The following TBCE variants were observed in gnomAD, a reference collection of about 807,000 sequenced individuals.
TBCE encodes the protein tubulin folding cofactor E, also known as tubulin-specific chaperone E.
A neutral mutation model predicts 77.0 loss-of-function variants in TBCE; 53 were observed. The ratio of observed to expected loss-of-function variants is 0.69; its 90% confidence interval spans 0.55 to 0.87. The LOEUF (loss-of-function observed/expected upper bound fraction) is 0.87, where lower values mean the gene tolerates loss of function less well. TBCE is among the 40% of genes least tolerant of loss of function. The pLI, the probability that TBCE is intolerant of heterozygous loss-of-function variation, is 0.00. For missense variants in TBCE, 624 were observed against 622.4 expected, an observed-to-expected ratio of 1.00 and a Z score of -0.03; for synonymous variants, 235 against 241.3, an observed-to-expected ratio of 0.97 and a Z score of 0.24.
Position 235,401,613 on chromosome 1 carries a change from G to A in TBCE, c.185+26G>A, listed in dbSNP as rs769742415. On this transcript the variant is annotated intron_variant, in intron 3 of 16. Transcript: ENST00000642610. ...GTAACTTTTCATTATGAATCAGCAC[G>A]GTCATTTAGTCAAGATTATATTTAA... 2.8e-5 allele frequency: 44 copies of A among 1,566,948 alleles called. No individual in the cohort carries two copies. The Admixed American group carries it at 5.2e-4, about 18-fold the overall frequency.
intron 6 of TBCE, chr1:235,428,969 G>GTATATATATA (rs752685495): frequency 2.7e-5 from 3 of 110,996 alleles, no homozygotes; most frequent in African/African-American, 1.3e-4. Context: ...ATGTATGTGT[G>GTATATATATA]TATATATATA....
chr1:235,437,083 C>T (rs536496061), intron 11 of TBCE, among the ~76,000 whole-genome samples: 7 of 152,232 alleles, frequency 4.6e-5, no homozygotes, highest in East Asian at 3.9e-4. Context: ...GAGCCGAGAT[C>T]GCGCCGTTGC....
intron 2 of TBCE, among the ~76,000 whole-genome samples, chr1:235,386,705 T>A (rs1202653370): frequency 1.3e-5 from 2 of 152,150 alleles, no homozygotes; most frequent in African/African-American, 4.8e-5. Context: ...TTCGTCTAAA[T>A]TTTTTTCAAA....
intron 7 of TBCE, chr1:235,433,317 C>G: frequency 2.3e-6 from 1 of 433,190 alleles, no homozygotes; most frequent in Non-Finnish European, 3.5e-6. Context: ...GCCTCCTGGG[C>G]CAAAATGATT....
At chr1:235,371,213 T>C (rs1178603695) in intron 1 of TBCE, among the ~76,000 whole-genome samples, 1 of 150,830 alleles carries the variant, frequency 6.6e-6, no homozygotes, top group Non-Finnish European at 1.5e-5. Context: ...TGCGCCACCA[T>C]ACCTGACTAA....
intron 3 of TBCE, among the ~76,000 whole-genome samples, chr1:235,408,386 G>T (rs1246099120): frequency 6.6e-6 from 1 of 150,658 alleles, no homozygotes; most frequent in East Asian, 1.9e-4. Flanking sequence ...GAGCATTAAT[G>T]GATTGGTATA....
At position 235,435,781 on chromosome 1, in the gene TBCE, T is replaced by A; in HGVS notation, c.774T>A (p.Asp258Glu). ...TTCTCCAGACAGTCAAGTTATTAGA[T>A]CTTTCCTCTAATCAATTAATTGATG... ...TDVLQTVKLL[D>E]LSSNQLIDEN... is the part of the protein sequence containing the mutation. The change falls in exon 9 of 17, where the codon GAT (aspartate) becomes GAA (glutamate). Residue 258 changes from aspartate (D) to glutamate (E), a missense_variant. Physicochemically the swap from Asp to Glu is conservative, Grantham distance 45. Transcript: ENST00000642610. The A allele has an allele frequency of 1.2e-6, 2 of 1,614,190 alleles. No homozygotes were observed. Among genetic ancestry groups the A allele is most frequent in the Non-Finnish European group, 1.7e-6 (2 of 1,180,016 alleles).
intron 2 of TBCE, among the ~76,000 whole-genome samples, chr1:235,386,812 C>T (rs1292528312): frequency 6.6e-6 from 1 of 152,194 alleles, no homozygotes; most frequent in Non-Finnish European, 1.5e-5. Flanking sequence ...CAAAGTCATT[C>T]TCTGTCCAGC....
At chr1:235,443,181 C>CATAT (rs777172312) in intron 15 of TBCE, among the ~76,000 whole-genome samples, 76 of 132,432 alleles carry the variant, frequency 5.7e-4, no homozygotes, top group Admixed American at 9.0e-4. Context: ...CACACACACA[C>CATAT]ACACATATAT....
intron 2 of TBCE, among the ~76,000 whole-genome samples, chr1:235,383,994 A>G (rs929359250): frequency 5.9e-4 from 90 of 152,110 alleles, no homozygotes; most frequent in Non-Finnish European, 1.2e-3. Flanking sequence ...ATGTCCCATC[A>G]ATACCTAATT....
chr1:235,394,148 C>T (rs1678580580), intron 2 of TBCE, among the ~76,000 whole-genome samples: 3 of 152,136 alleles, frequency 2.0e-5, no homozygotes, highest in Non-Finnish European at 4.4e-5. Context: ...AATCTCAGCT[C>T]ATTGCAAGCT....
intron 8 of TBCE, among the ~76,000 whole-genome samples, chr1:235,434,703 A>C (rs912558426): frequency 6.6e-6 from 1 of 151,586 alleles, no homozygotes; most frequent in Non-Finnish European, 1.5e-5. Context: ...TGCCCGGCTA[A>C]TTTTCTTTAT....
At chr1:235,392,135 A>G (rs1278851718) in intron 2 of TBCE, among the ~76,000 whole-genome samples, 2 of 151,842 alleles carry the variant, frequency 1.3e-5, no homozygotes, top group African/African-American at 2.4e-5. Flanking sequence ...CAGCCTAGGT[A>G]ACGTAACAAG....
chr1:235,440,479 A>G (rs1340470118), intron 13 of TBCE, among the ~76,000 whole-genome samples: 1 of 149,842 alleles, frequency 6.7e-6, no homozygotes, highest in Admixed American at 6.7e-5. Flanking sequence ...TGCAACCTCT[A>G]CCTCCTGGGT....
intron 3 of TBCE, among the ~76,000 whole-genome samples, chr1:235,410,611 C>T (rs1258437596): frequency 2.0e-5 from 3 of 152,202 alleles, no homozygotes; most frequent in Non-Finnish European, 4.4e-5. Context: ...GAATGCCTAA[C>T]AGTCTGGAAT....
intron 4 of TBCE, 143 bp downstream of exon 4, chr1:235,414,761 G>A (rs1680019984): frequency 1.3e-6 from 1 of 768,206 alleles, no homozygotes; most frequent in Admixed American, 2.3e-5. Context: ...CAAAATCTGA[G>A]GAATCCAAGA....
At chr1:235,372,409 G>A (rs1305885119) in intron 1 of TBCE, among the ~76,000 whole-genome samples, 1 of 152,126 alleles carries the variant, frequency 6.6e-6, no homozygotes, top group Non-Finnish European at 1.5e-5. Flanking sequence ...TTTTCCCAAG[G>A]AAATACTTCA....
rs1676942208 is a variant in TBCE, at chr1:235,371,372, TTTTCCC to T, written c.-32+3872_-32+3877del. Among the ~76,000 whole-genome samples, 6 of 150,738 alleles carry T rather than the reference TTTTCCC, an allele frequency of 4.0e-5. No homozygotes were observed. In the South Asian group the frequency reaches 1.3e-3, roughly 32 times the overall value. On this transcript the variant is annotated intron_variant, in intron 1 of 16. Coordinates refer to ENST00000642610, the MANE Select transcript of TBCE (RefSeq NM_003193.5). ...CCCCCGGCCACTCTTGTCTTTTTTT[TTTTCCC>T]TTTTTTTTTTTTTTTGAGACAGGGT... is the stretch of plus-strand genomic sequence containing the variant.
chr1:235,434,204 G>C lies in TBCE; in HGVS notation c.661G>C (p.Val221Leu), dbSNP rs1681279326. The C allele has an allele frequency of 1.9e-6, 3 of 1,614,020 alleles. No individual in the cohort carries two copies. The highest frequency in any genetic ancestry group is 2.5e-6 in the Non-Finnish European group (3 of 1,180,036). The change falls in exon 8 of 17, where the codon GTG (valine) becomes CTG (leucine). Residue 221 changes from valine to leucine, a missense_variant and splice_region_variant. Physicochemically the swap from Val to Leu is conservative, Grantham distance 32. Transcript: ENST00000642610. ...LNQTGITWAE[V>L]LRCVAGCPGL... The stretch of plus-strand genomic sequence containing the variant: ...AGCCTGAACCGAGTTTCTCTTCCAG[G>C]TGCTGCGGTGTGTCGCGGGGTGCCC...
Sources: allele counts gnomAD v4.1 joint callset (sites outside exome capture counted in the v4.1 genomes callset), GRCh38; gene constraint gnomAD v4.1.1; transcripts MANE v1.5; gene names NCBI Gene and HGNC (gene_info 2026-07-23, HGNC 2026-07-21).